Variants in MTHFD1L observed in about 807,000 individuals in gnomAD.
MTHFD1L encodes the protein monofunctional C1-tetrahydrofolate synthase, mitochondrial.
In MTHFD1L, 81 loss-of-function variants were observed where a neutral mutation model predicts 119.5. That is an observed-to-expected ratio of 0.68 (90% confidence interval 0.57 to 0.82). The LOEUF (loss-of-function observed/expected upper bound fraction) is 0.82. Ranked by LOEUF, MTHFD1L falls within the 40% of genes least tolerant of loss-of-function variation. The probability of loss-of-function intolerance (pLI) is 0.00; values close to 1 mark genes in which losing one functional copy is unlikely to be tolerated. For missense variants in MTHFD1L, 1,125 were observed against 1,253.4 expected, an observed-to-expected ratio of 0.90 and a Z score of 1.55; for synonymous variants, 430 against 475.2, an observed-to-expected ratio of 0.90 and a Z score of 1.24.
At chr6:150,922,354 C>A (rs763550920) in intron 10 of MTHFD1L, 52 bp downstream of exon 10, 3 of 1,442,560 alleles carry the variant, frequency 2.1e-6, no homozygotes, top group Non-Finnish European at 2.9e-6. Context: ...AGTGCCTTAG[C>A]CCTAGTTAGT....
chr6:150,912,538 C>T, intron 8 of MTHFD1L: 4 of 276,350 alleles, frequency 1.4e-5, no homozygotes, highest in East Asian at 1.0e-4. Context: ...TTCCTGCATC[C>T]CTCCCACTGC....
chr6:150,879,102 A>G (rs1236364466), intron 4 of MTHFD1L, among the ~76,000 whole-genome samples: 1 of 152,156 alleles, frequency 6.6e-6, no homozygotes, highest in Admixed American at 6.5e-5. Flanking sequence ...CTAAAAACCA[A>G]GAGTTTATTA....
In MTHFD1L at chr6:150,937,007, A is replaced by C. The variant is rs373702852; in HGVS notation, c.1393+67A>C. ...GGGGGGAGAGAATTGTAAAAAGAAC[A>C]TTGTCAACAGATAAAGAGTTAAGAC... On this transcript the variant is annotated intron_variant, in intron 12 of 27. Coordinates refer to ENST00000367321, the MANE Select transcript of MTHFD1L (RefSeq NM_015440.5). The C allele has an allele frequency of 2.6e-5, 41 of 1,563,176 alleles. No homozygotes were observed. In the East Asian group the frequency reaches 8.4e-4, roughly 32 times the overall value.
At chr6:150,968,934 T>C (rs1238121948) in intron 19 of MTHFD1L, among the ~76,000 whole-genome samples, 1 of 150,544 alleles carries the variant, frequency 6.6e-6, no homozygotes, top group Non-Finnish European at 1.5e-5. Flanking sequence ...CTGCAACCTC[T>C]GCCTTCCGGT....
In MTHFD1L at chr6:151,019,422, C is replaced by G. The variant is rs376339737; in HGVS notation, c.2586+3729C>G. Among the ~76,000 whole-genome samples the G allele has an allele frequency of 3.5e-4, 53 of 150,520 alleles. 2 individuals carry two copies. Among genetic ancestry groups the G allele is most frequent in the Middle Eastern group, 3.4e-3 (1 of 294 alleles). On this transcript the variant is annotated intron_variant, in intron 24 of 27. Coordinates refer to ENST00000367321, the MANE Select transcript of MTHFD1L (RefSeq NM_015440.5). ...GACATGCACTAACCCTAACATGAAC[C>G]CTTTTCCTTTCCACTGATATTTCAA...
intron 18 of MTHFD1L, 117 bp downstream of exon 18, chr6:150,960,532 T>C (rs7739248): frequency 0.19 from 250,620 of 1,336,410 alleles, 25,157 homozygotes; most frequent in African/African-American, 0.31. Flanking sequence ...AGAAAAAGTT[T>C]CCACACACAC....
intron 26 of MTHFD1L, among the ~76,000 whole-genome samples, chr6:151,047,100 T>A (rs1253555930): frequency 6.6e-6 from 1 of 152,200 alleles, no homozygotes; most frequent in African/African-American, 2.4e-5. Context: ...ATGTCATTGA[T>A]AGGTTCTTGG....
intron 25 of MTHFD1L, among the ~76,000 whole-genome samples, chr6:151,034,988 C>G (rs986075381): frequency 2.0e-5 from 3 of 152,158 alleles, no homozygotes; most frequent in African/African-American, 7.2e-5. Context: ...CTCTTACTTA[C>G]TACCTTAAAA....
intron 26 of MTHFD1L, among the ~76,000 whole-genome samples, chr6:151,071,436 A>G (rs1218114308): frequency 1.3e-5 from 2 of 152,172 alleles, no homozygotes; most frequent in Admixed American, 6.6e-5. Context: ...CTCTACTTCA[A>G]CATGCAAGAG....
intron 20 of MTHFD1L, among the ~76,000 whole-genome samples, chr6:150,983,174 A>C (rs1310823224): frequency 1.3e-5 from 2 of 152,210 alleles, no homozygotes; most frequent in African/African-American, 2.4e-5. Flanking sequence ...GATTCCGAAT[A>C]CGAATACTTT....
chr6:150,889,766 A>G (rs1162413402), intron 7 of MTHFD1L, among the ~76,000 whole-genome samples: 6 of 152,218 alleles, frequency 3.9e-5, no homozygotes, highest in Admixed American at 6.5e-5. Flanking sequence ...ATGGGAATTC[A>G]TATATTGCTG....
chr6:150,877,928 G>A (rs955555141), intron 4 of MTHFD1L, 102 bp downstream of exon 4: 46 of 1,381,336 alleles, frequency 3.3e-5, no homozygotes, highest in Middle Eastern at 2.0e-4. Context: ...TCTAAGATTT[G>A]CTTGTGACTG....
At chr6:151,011,789 G>C (rs938653029) in intron 21 of MTHFD1L, among the ~76,000 whole-genome samples, 1 of 151,940 alleles carries the variant, frequency 6.6e-6, no homozygotes, top group Non-Finnish European at 1.5e-5. Flanking sequence ...CCAGCCAGGC[G>C]TGGTGGCTCA....
intron 20 of MTHFD1L, among the ~76,000 whole-genome samples, chr6:151,009,211 C>T (rs1183533322): frequency 6.7e-6 from 1 of 150,144 alleles, no homozygotes; most frequent in Non-Finnish European, 1.5e-5. Context: ...AACCTGATTA[C>T]AAAGTTGAAA....
chr6:150,899,069 T>C, intron 7 of MTHFD1L: 1 of 826,110 alleles, frequency 1.2e-6, no homozygotes, highest in Non-Finnish European at 1.5e-6. Flanking sequence ...TCCAGAGGAA[T>C]TGTCTTTTCT....
intron 15 of MTHFD1L, among the ~76,000 whole-genome samples, chr6:150,946,228 C>A (rs1024290082): frequency 6.6e-6 from 1 of 152,308 alleles, no homozygotes; most frequent in East Asian, 1.9e-4. Context: ...TGGCTCACTG[C>A]AACCTCTGCC....
intron 11 of MTHFD1L, among the ~76,000 whole-genome samples, chr6:150,933,451 GA>G (rs1791506683): frequency 6.6e-6 from 1 of 151,996 alleles, no homozygotes; most frequent in South Asian, 2.1e-4. Flanking sequence ...ACTCCAAGCA[GA>G]AGTATTAATA....
chr6:151,025,159 GC>G (rs1480489957), intron 24 of MTHFD1L, among the ~76,000 whole-genome samples: 1 of 152,206 alleles, frequency 6.6e-6, no homozygotes. Context: ...CCCCAGGTTT[GC>G]CGTAGAAGGA....
Position 151,015,644 on chromosome 6 carries a change from G to C in MTHFD1L, c.2537G>C (p.Arg846Thr). ...KGSVDLARAV[R>T]EAASKRSRFQ... is the part of the protein sequence containing the mutation. ...TCGGTGGACTTGGCTCGGGCTGTGA[G>C]AGAGGCTGCGAGTAAAAGAAGCCGA... Residue 846 changes from arginine to threonine, a missense_variant, in exon 24 of 28, where the codon AGA (arginine) becomes ACA (threonine). Transcript: ENST00000367321. 1 of 1,614,154 alleles carries C rather than the reference G, an allele frequency of 6.2e-7. No homozygotes were observed. Among genetic ancestry groups the C allele is most frequent in the African/African-American group, 1.3e-5 (1 of 75,038 alleles).
Sources: gnomAD v4.1 joint callset for allele counts (sites outside exome capture counted in the v4.1 genomes callset) on GRCh38, gnomAD v4.1.1 for gene constraint, MANE v1.5 for transcripts, NCBI Gene and HGNC (gene_info 2026-07-23, HGNC 2026-07-21) for gene names.